Variants in BLTP1 observed in about 807,000 individuals in gnomAD.
The protein encoded by BLTP1 is fragile site-associated protein.
the BLTP1 span, among the ~76,000 whole-genome samples, chr4:122,348,103 A>G: frequency 2.0e-5 from 3 of 152,116 alleles, no homozygotes; most frequent in Non-Finnish European, 4.4e-5. Flanking sequence ...TCTCGTCAAA[A>G]GATTAAAATA....
the BLTP1 span, chr4:122,227,169 A>G: frequency 9.9e-7 from 1 of 1,005,584 alleles, no homozygotes; most frequent in Non-Finnish European, 1.2e-6. Context: ...ATTGAAGCAA[A>G]GAGAAGGTTG....
chr4:122,289,206 G>C, the BLTP1 span: 1 of 1,546,058 alleles, frequency 6.5e-7, no homozygotes, highest in Non-Finnish European at 8.9e-7. Flanking sequence ...AGATGATCTA[G>C]TACCTTATAG....
the BLTP1 span, chr4:122,247,536 G>A: frequency 2.9e-6 from 3 of 1,033,596 alleles, no homozygotes; most frequent in Non-Finnish European, 4.1e-6. Flanking sequence ...CTCACATTCT[G>A]TACAGAATAG....
At chr4:122,317,514 T>C in the BLTP1 span, among the ~76,000 whole-genome samples, 38,791 of 152,088 alleles carry the variant, frequency 0.26, 5,775 homozygotes, top group Middle Eastern at 0.51. Flanking sequence ...CTGCTGGATA[T>C]TACTAAGTAA....
the BLTP1 span, chr4:122,343,484 A>T: frequency 6.2e-7 from 1 of 1,614,084 alleles, no homozygotes; most frequent in Non-Finnish European, 8.5e-7. Flanking sequence ...CAGTTCCAGC[A>T]GTAGTTCATC....
chr4:122,216,486 G>A, the BLTP1 span, among the ~76,000 whole-genome samples: 2 of 151,974 alleles, frequency 1.3e-5, no homozygotes. Flanking sequence ...ATCATGTTGC[G>A]GTTTTGATTG....
the BLTP1 span, chr4:122,173,188 T>C: frequency 6.3e-7 from 1 of 1,596,140 alleles, no homozygotes; most frequent in Non-Finnish European, 8.5e-7. Context: ...TTTTCTTCCT[T>C]ATAATCTTGA....
the BLTP1 span, among the ~76,000 whole-genome samples, chr4:122,259,588 G>A: frequency 1.3e-5 from 2 of 152,108 alleles, no homozygotes; most frequent in African/African-American, 2.4e-5. Context: ...CTGGCCAGGC[G>A]CGGTGGTTCA....
chr4:122,324,644 ATT>A, the BLTP1 span: 1 of 835,764 alleles, frequency 1.2e-6, no homozygotes, highest in Non-Finnish European at 1.8e-6. Context: ...ACAAAAATTA[ATT>A]TTATTAGTAA....
At chr4:122,356,787 C>A in the BLTP1 span, 1 of 1,592,122 alleles carries the variant, frequency 6.3e-7, no homozygotes, top group Non-Finnish European at 8.5e-7. Flanking sequence ...TTTTAGGCTG[C>A]AAGAATGGCA....
chr4:122,207,514 C>CTTTTTTTTTTTTTTT, the BLTP1 span: 52 of 1,286,842 alleles, frequency 4.0e-5, no homozygotes, highest in East Asian at 2.4e-4. Flanking sequence ...ACTTTTTCTT[C>CTTTTTTTTTTTTTTT]TTTTTTTTTT....
chr4:122,327,707 A>G, the BLTP1 span, among the ~76,000 whole-genome samples: 1 of 151,604 alleles, frequency 6.6e-6, no homozygotes. Flanking sequence ...AAAAGCATCT[A>G]CTAGCATGAT....
chr4:122,336,277 T>C, the BLTP1 span: 2 of 1,612,714 alleles, frequency 1.2e-6, no homozygotes, highest in African/African-American at 1.3e-5. Context: ...AAATGGTTAT[T>C]AGTCCCTGCC....
At chr4:122,316,250 A>T in the BLTP1 span, 1 of 356,630 alleles carries the variant, frequency 2.8e-6, no homozygotes, top group Non-Finnish European at 5.7e-6. Flanking sequence ...ATTGATTTTT[A>T]AAAATTATTT....
chr4:122,188,961 G>A, the BLTP1 span: 130 of 985,058 alleles, frequency 1.3e-4, no homozygotes, highest in Middle Eastern at 1.0e-3. Context: ...TTTGAGTATC[G>A]CGGTGACTGT....
At chr4:122,183,712 G>A in the BLTP1 span, among the ~76,000 whole-genome samples, 1 of 152,120 alleles carries the variant, frequency 6.6e-6, no homozygotes, top group Non-Finnish European at 1.5e-5. Flanking sequence ...CCAAGTTGAT[G>A]AGGGGTTTTG....
At chr4:122,315,957 G>A in the BLTP1 span, among the ~76,000 whole-genome samples, 3 of 152,102 alleles carry the variant, frequency 2.0e-5, no homozygotes, top group African/African-American at 4.8e-5. Context: ...GGTGGGGAAT[G>A]GGAAGAAATT....
the BLTP1 span, chr4:122,209,146 A>T: frequency 6.3e-7 from 1 of 1,595,150 alleles, no homozygotes; most frequent in Middle Eastern, 1.8e-4. Flanking sequence ...GGCTTATTAT[A>T]ATTATTTTTT....
the BLTP1 span, chr4:122,229,804 T>C: frequency 5.2e-6 from 7 of 1,357,714 alleles, no homozygotes; most frequent in Admixed American, 1.6e-4. Flanking sequence ...TATTTCTTTT[T>C]CCTTTATTTT....
Sources: allele counts gnomAD v4.1 joint callset (sites outside exome capture counted in the v4.1 genomes callset), GRCh38; gene constraint gnomAD v4.1.1; transcripts MANE v1.5; gene names NCBI Gene and HGNC (gene_info 2026-07-23, HGNC 2026-07-21).